The following SPATA13 variants were observed in gnomAD, a reference collection of about 807,000 sequenced individuals.
The protein encoded by SPATA13 is spermatogenesis associated 13.
Under a neutral mutation model 104.0 loss-of-function variants are expected in SPATA13, and 50 were observed. The ratio of observed to expected loss-of-function variants is 0.48; its 90% CI spans 0.38 to 0.61. The LOEUF is 0.61. Ranked by LOEUF, SPATA13 falls within the 20% of genes least tolerant of loss-of-function variation. The pLI, the probability that SPATA13 is intolerant of heterozygous loss-of-function variation, is 0.00. For missense variants in SPATA13, 1,524 were observed against 1,690.6 expected (o/e 0.90, Z 1.73); for synonymous variants, 606 against 667.5 (o/e 0.91, Z 1.42).
rs998487150 is a variant in SPATA13, at chr13:24,011,225, G to A, written c.-146-6442G>A. Among the ~76,000 whole-genome samples the A allele has an allele frequency of 6.6e-6, 1 of 151,076 alleles. No homozygotes were observed. Among genetic ancestry groups the A allele is most frequent in the East Asian group, 2.0e-4 (1 of 5,056 alleles). On this transcript the variant is annotated intron_variant, in intron 2 of 14. Coordinates refer to the SPATA13 transcript ENST00000424834. This position sits in a 1 kb window ranked among gnomAD's most constrained non-coding sequence, Gnocchi z 4.3. ...CACCTCCCAGCCTGGATCAGCACTC[G>A]GAGCTCCCACCTGCCTCCCAGGGGA...
chr13:24,297,114 C>T (rs1373967784), intron 10 of SPATA13, among the ~76,000 whole-genome samples: 1 of 152,162 alleles, frequency 6.6e-6, no homozygotes, highest in Non-Finnish European at 1.5e-5. Context: ...TCACCATTCA[C>T]TACAGCCTCA....
At chr13:24,300,621 G>C (rs2138777142) in intron 12 of SPATA13, 146 bp downstream of exon 12, 1 of 707,420 alleles carries the variant, frequency 1.4e-6, no homozygotes, top group South Asian at 1.7e-5. Context: ...CAGAACAGGG[G>C]CCAGGTGAAG....
At chr13:24,243,192 A>T (rs1593454495) in intron 2 of SPATA13, among the ~76,000 whole-genome samples, 2 of 152,358 alleles carry the variant, frequency 1.3e-5, no homozygotes, top group Admixed American at 1.3e-4. Flanking sequence ...ATACTTCAGA[A>T]TCAATACCTC....
chr13:24,190,495 AG>A (rs1318449794), intron 1 of SPATA13, among the ~76,000 whole-genome samples: 2 of 150,274 alleles, frequency 1.3e-5, no homozygotes, highest in Admixed American at 6.8e-5. Flanking sequence ...CATAAAGAAC[AG>A]GAGGAGGTAA....
In SPATA13 at chr13:24,029,155, C is replaced by A. The variant is rs1052784305; in HGVS notation, c.-112+11454C>A. Among the ~76,000 whole-genome samples, 3 of 152,130 alleles carry A rather than the reference C, an allele frequency of 2.0e-5. No individual in the cohort carries two copies. The East Asian group carries it at 5.8e-4, about 29-fold the overall frequency. On this transcript the variant is annotated intron_variant, in intron 3 of 14. Transcript: ENST00000424834. ...TCCAAGCTGAACTTAAACTCCTGGG[C>A]TCAAGTGATCCTGTCACCTAGCCTC...
intron 4 of SPATA13, among the ~76,000 whole-genome samples, chr13:24,257,322 G>A (rs1170029444): frequency 4.6e-5 from 7 of 152,222 alleles, no homozygotes; most frequent in East Asian, 3.9e-4. Flanking sequence ...ATGCACACCC[G>A]TGCACCAAAG....
intron 1 of SPATA13, among the ~76,000 whole-genome samples, chr13:24,191,413 A>G (rs1318574529): frequency 2.0e-5 from 3 of 148,284 alleles, no homozygotes; most frequent in South Asian, 2.1e-4. Flanking sequence ...TTATTTCGAT[A>G]TTTGTTTTAT....
chr13:24,133,046 T>C (rs1353830577), intron 3 of SPATA13, among the ~76,000 whole-genome samples: 4 of 152,134 alleles, frequency 2.6e-5, no homozygotes, highest in African/African-American at 9.7e-5. Flanking sequence ...GGAGATGATA[T>C]GACAGTTGAG....
rs899697803 is a variant in SPATA13 at position 24,030,059 on chromosome 13, C to G, written c.-112+12358C>G. 7.4e-4 allele frequency among the ~76,000 whole-genome samples: 104 copies of G among 139,672 alleles called. 1 individual carries two copies. Among genetic ancestry groups the G allele is most frequent in the Middle Eastern group, 3.5e-3 (1 of 284 alleles). The allele number at this position is 139,672 out of a possible 152,430, so 91.6% of individuals were successfully genotyped here. Reference sequence around the variant, plus strand: ...CCTACCTTCTCCTAACACACACACACACACACGCACACACACACACACACA... The same window carrying G: ...CCTACCTTCTCCTAACACACACACAGACACACGCACACACACACACACACA... On this transcript the variant is annotated intron_variant, in intron 3 of 14. Transcript: ENST00000424834.
intron 4 of SPATA13, chr13:24,270,954 C>T (rs757345594): frequency 7.0e-7 from 1 of 1,436,434 alleles, no homozygotes; most frequent in Admixed American, 1.7e-5. Flanking sequence ...TGACATGTTG[C>T]CGATTCAGCT....
chr13:24,262,748 A>G (rs994172457), intron 4 of SPATA13, among the ~76,000 whole-genome samples: 1 of 152,210 alleles, frequency 6.6e-6, no homozygotes, highest in Non-Finnish European at 1.5e-5. Flanking sequence ...TTAACTATAC[A>G]GGGGACAAAG....
chr13:24,223,246 C>T lies in SPATA13; in HGVS notation c.317C>T (p.Ala106Val). ...AACTCCTCCACATGGAACACCCTCGCCTCCTTCCGGAAAATGGGATCCTTT... is the reference window on the plus strand; with the variant it reads ...AACTCCTCCACATGGAACACCCTCGTCTCCTTCCGGAAAATGGGATCCTTT... ...VGNSSTWNTL[A>V]SFRKMGSFKK... Residue 106 changes from alanine (A) to valine (V), a missense_variant, in exon 2 of 13, where the codon GCC (alanine) becomes GTC (valine). Physicochemically the swap from Ala to Val is moderately conservative, Grantham distance 64 (BLOSUM62 0). Transcript: ENST00000382108. 3.2e-6 allele frequency: 5 copies of T among 1,551,740 alleles called. No homozygotes were observed. The highest frequency in any genetic ancestry group is 4.4e-6 in the Non-Finnish European group (5 of 1,147,014).
intron 3 of SPATA13, among the ~76,000 whole-genome samples, chr13:24,096,365 G>A (rs1426702348): frequency 2.0e-5 from 3 of 152,218 alleles, no homozygotes; most frequent in Admixed American, 6.5e-5. Context: ...AGAGGCAGAT[G>A]CAGGTGGATC....
intron 1 of SPATA13, among the ~76,000 whole-genome samples, chr13:24,215,105 A>C (rs1871208036): frequency 6.6e-6 from 1 of 152,124 alleles, no homozygotes. Flanking sequence ...ACAAAGTCTC[A>C]CAGATCGCCT....
At chr13:24,285,714 T>A (rs1267995319) in intron 5 of SPATA13, among the ~76,000 whole-genome samples, 1 of 146,148 alleles carries the variant, frequency 6.8e-6, no homozygotes, top group Non-Finnish European at 1.5e-5. Flanking sequence ...AGAGTTTTGC[T>A]CTTGTTCCCA....
Position 24,223,908 on chromosome 13 carries a change from G to GT in SPATA13, c.980dup (p.Thr328AspfsTer2). ...CAGAGTCTTCAAACTTGTGAGCAAT[G>GT]TGACTGAGGCTGCCTGGAGGAGGGA... On this transcript the variant is annotated frameshift_variant, in exon 2 of 13. Transcript: ENST00000382108. LOFTEE classifies it high-confidence loss of function. 1 of 1,551,640 alleles carries GT rather than the reference G, an allele frequency of 6.4e-7. No individual in the cohort carries two copies. Among genetic ancestry groups the GT allele is most frequent in the Non-Finnish European group, 8.7e-7 (1 of 1,147,004 alleles).
chr13:23,987,001 CTGTGTGTGTGTGTGTG>C (rs113990315), intron 2 of SPATA13, among the ~76,000 whole-genome samples: 2 of 141,426 alleles, frequency 1.4e-5, no homozygotes, highest in South Asian at 2.4e-4. Context: ...ATGGATATAT[CTGTGTGTGTGTGTGTG>C]TGTGTGTGTG....
chr13:24,162,514 A>G (rs1382531969), intron 1 of SPATA13: 1 of 155,830 alleles, frequency 6.4e-6, no homozygotes, highest in African/African-American at 2.4e-5. Flanking sequence ...TCTCTGCAGG[A>G]GGACTCTGGA....
chr13:24,045,475 T>TGC (rs10661968), intron 3 of SPATA13, among the ~76,000 whole-genome samples: 5 of 216 alleles, frequency 0.023, no homozygotes, highest in Non-Finnish European at 0.086. Flanking sequence ...CTAAACAAGC[T>TGC]AAGATTATTA....
Sources: allele counts gnomAD v4.1 joint callset (sites outside exome capture counted in the v4.1 genomes callset), GRCh38; gene constraint gnomAD v4.1.1; non-coding constraint Gnocchi (gnomAD v3.1); transcripts MANE v1.5; gene names NCBI Gene and HGNC (gene_info 2026-07-23, HGNC 2026-07-21).